PTPRO: variants seen among roughly 807,000 people sequenced by gnomAD.
PTPRO encodes protein tyrosine phosphatase receptor type O, also known as receptor-type tyrosine-protein phosphatase O.
A neutral mutation model predicts 145.2 loss-of-function variants in PTPRO; 62 were observed. The ratio of observed to expected loss-of-function variants is 0.43; its 90% confidence interval spans 0.35 to 0.53. The LOEUF is 0.53. Ranked by LOEUF, PTPRO falls within the 20% of genes least tolerant of loss-of-function variation. PTPRO has a pLI of 0.01. For missense variants in PTPRO, 1,345 were observed against 1,482.7 expected (o/e 0.91, Z 1.53); for synonymous variants, 565 against 514.7 (o/e 1.10, Z -1.32).
chr12:15,328,028 C>T (rs146267027), intron 1 of PTPRO, among the ~76,000 whole-genome samples: 28 of 151,838 alleles, frequency 1.8e-4, no homozygotes, highest in African/African-American at 5.1e-4. Flanking sequence ...GCAGGAGAAT[C>T]GCTTGAACCC....
intron 23 of PTPRO, 143 bp from the exon 24 acceptor site, chr12:15,586,754 G>A: frequency 1.2e-6 from 1 of 813,774 alleles, no homozygotes; most frequent in East Asian, 2.6e-5. Flanking sequence ...TGCCAGATAT[G>A]GTGCTCAAAG....
At chr12:15,595,255 C>T (rs1944636359) in intron 26 of PTPRO, 198 bp downstream of exon 26, 3 of 557,226 alleles carry the variant, frequency 5.4e-6, no homozygotes, top group Non-Finnish European at 6.6e-6. Flanking sequence ...TTCAATGCAC[C>T]TTGGTTGGTG....
At chr12:15,571,807 G>C (rs1408410516) in intron 19 of PTPRO, among the ~76,000 whole-genome samples, 1 of 152,142 alleles carries the variant, frequency 6.6e-6, no homozygotes, top group South Asian at 2.1e-4. Context: ...GAACCATGTG[G>C]GCTCAAGTAG....
chr12:15,354,566 A>T (rs1004810962), intron 1 of PTPRO, among the ~76,000 whole-genome samples: 1 of 152,198 alleles, frequency 6.6e-6, no homozygotes, highest in Non-Finnish European at 1.5e-5. Flanking sequence ...AATCTAAAAA[A>T]TGTTAAGATT....
chr12:15,409,870 C>A (rs956782569), intron 1 of PTPRO, among the ~76,000 whole-genome samples: 1 of 152,298 alleles, frequency 6.6e-6, no homozygotes, highest in Non-Finnish European at 1.5e-5. Context: ...TCACCTCGCA[C>A]CAGGCGCTAT....
intron 19 of PTPRO, among the ~76,000 whole-genome samples, chr12:15,576,072 A>G (rs932231687): frequency 1.3e-5 from 2 of 152,204 alleles, no homozygotes; most frequent in Non-Finnish European, 2.9e-5. Flanking sequence ...AAGGGTGATA[A>G]ATTATATTTA....
chr12:15,508,987 T>C (rs1942379417), intron 7 of PTPRO, among the ~76,000 whole-genome samples: 1 of 152,200 alleles, frequency 6.6e-6, no homozygotes, highest in South Asian at 2.1e-4. Flanking sequence ...CATGTTCTTT[T>C]TCATTCATTA....
intron 2 of PTPRO, among the ~76,000 whole-genome samples, chr12:15,489,680 C>G (rs1312298757): frequency 2.0e-5 from 3 of 152,130 alleles, no homozygotes; most frequent in Admixed American, 6.6e-5. Context: ...TTTACTGAAG[C>G]CTGTTTTATC....
chr12:15,405,056 C>A (rs1381384441), intron 1 of PTPRO, among the ~76,000 whole-genome samples: 2 of 152,162 alleles, frequency 1.3e-5, no homozygotes, highest in Non-Finnish European at 2.9e-5. Flanking sequence ...GAGGGTTTCA[C>A]CTTCATTTCC....
At chr12:15,522,514 G>C (rs1431820968) in intron 10 of PTPRO, among the ~76,000 whole-genome samples, 2 of 151,518 alleles carry the variant, frequency 1.3e-5, no homozygotes, top group Non-Finnish European at 2.9e-5. Flanking sequence ...TGAAGAATTT[G>C]TAATATATAA....
chr12:15,500,763 A>T (rs3790006), intron 4 of PTPRO, among the ~76,000 whole-genome samples: 82,386 of 151,978 alleles, frequency 0.54, 23,179 homozygotes, highest in Middle Eastern at 0.67. Flanking sequence ...CTCTACTAAG[A>T]ATACAAATAT....
intron 1 of PTPRO, among the ~76,000 whole-genome samples, chr12:15,406,984 C>G (rs748339077): frequency 6.6e-6 from 1 of 152,144 alleles, no homozygotes; most frequent in African/African-American, 2.4e-5. Flanking sequence ...GGAGCTAAAA[C>G]AAAGACATGG....
chr12:15,422,150 A>G (rs555352235), intron 1 of PTPRO, among the ~76,000 whole-genome samples: 22 of 152,312 alleles, frequency 1.4e-4, no homozygotes, highest in Non-Finnish European at 1.3e-4. Context: ...ATTTTGCTAA[A>G]CTGAGGATTT....
At chr12:15,327,672 G>GT (rs200281319) in intron 1 of PTPRO, among the ~76,000 whole-genome samples, 3,148 of 152,090 alleles carry the variant, frequency 0.021, 43 homozygotes, top group South Asian at 0.038. Flanking sequence ...AAATATGTAA[G>GT]TTTTTTTTGT....
chr12:15,472,753 C>T (rs927666175), intron 1 of PTPRO, among the ~76,000 whole-genome samples: 2 of 152,192 alleles, frequency 1.3e-5, no homozygotes, highest in Non-Finnish European at 2.9e-5. Flanking sequence ...TTTATTCACT[C>T]GTGTCACCAA....
intron 24 of PTPRO, 55 bp downstream of exon 24, chr12:15,587,106 G>T (rs1944446102): frequency 2.5e-6 from 4 of 1,590,214 alleles, no homozygotes; most frequent in Non-Finnish European, 2.6e-6. Flanking sequence ...TTTGTAAGGG[G>T]AACAGCTCAC....
intron 19 of PTPRO, among the ~76,000 whole-genome samples, chr12:15,571,566 G>A (rs1053206800): frequency 1.1e-4 from 16 of 152,196 alleles, no homozygotes; most frequent in African/African-American, 3.4e-4. Flanking sequence ...GATTACAGCC[G>A]TGAGCCACGA....
chr12:15,506,774 C>T (rs866954141), intron 6 of PTPRO, among the ~76,000 whole-genome samples: 2 of 152,096 alleles, frequency 1.3e-5, no homozygotes, highest in Non-Finnish European at 1.5e-5. Flanking sequence ...AGAGCCAAAC[C>T]ATATCAGCAA....
chr12:15,543,132 A>G (rs1943213064), intron 12 of PTPRO, among the ~76,000 whole-genome samples: 1 of 152,170 alleles, frequency 6.6e-6, no homozygotes, highest in African/African-American at 2.4e-5. Flanking sequence ...GAAGATCCTG[A>G]ACAGTCCTCA....
Sources: allele counts gnomAD v4.1 joint callset (sites outside exome capture counted in the v4.1 genomes callset), GRCh38; gene constraint gnomAD v4.1.1; transcripts MANE v1.5; gene names NCBI Gene and HGNC (gene_info 2026-07-23, HGNC 2026-07-21).